The following ROCK2 variants were observed in gnomAD, a reference collection of about 807,000 sequenced individuals.
ROCK2 encodes the protein rho-associated protein kinase 2.
In ROCK2, 61 loss-of-function variants were observed where a neutral mutation model predicts 195.1. The observed-to-expected ratio is 0.31, with a 90% CI of 0.25 to 0.39. ROCK2 has a LOEUF of 0.39. Among genes scored for constraint, ROCK2 ranks in the 10% least tolerant of loss-of-function variants. ROCK2 has a pLI of 1.00. For synonymous variants in ROCK2, 504 were observed against 545.5 expected (o/e 0.92, Z 1.06); for missense variants, 1,109 against 1,637.4 (o/e 0.68, Z 5.57).
At chr2:11,259,402 A>G (rs1666144815) in intron 3 of ROCK2, among the ~76,000 whole-genome samples, 2 of 151,370 alleles carry the variant, frequency 1.3e-5, no homozygotes, top group Non-Finnish European at 2.9e-5. Context: ...TAAAACATTC[A>G]TAAGCACTCT....
At chr2:11,200,564 C>T (rs762216622) in intron 23 of ROCK2, among the ~76,000 whole-genome samples, 5 of 152,048 alleles carry the variant, frequency 3.3e-5, no homozygotes, top group African/African-American at 4.8e-5. Flanking sequence ...TTTTAATTAC[C>T]GCAGCATTTC....
chr2:11,334,830 T>C (rs1668875219), intron 1 of ROCK2, among the ~76,000 whole-genome samples: 1 of 150,732 alleles, frequency 6.6e-6, no homozygotes, highest in Non-Finnish European at 1.5e-5. Flanking sequence ...TCCAAGTCTA[T>C]AATCCCTTGA....
intron 1 of ROCK2, among the ~76,000 whole-genome samples, chr2:11,312,473 G>A (rs562454696): frequency 5.9e-5 from 9 of 151,804 alleles, no homozygotes; most frequent in South Asian, 2.1e-4. Context: ...TCCAAGCAAC[G>A]AATGATTTGT....
chr2:11,331,551 G>A, intron 1 of ROCK2, among the ~76,000 whole-genome samples: 1 of 149,822 alleles, frequency 6.7e-6, no homozygotes, highest in East Asian at 2.0e-4. Flanking sequence ...ACAATCAAAA[G>A]ATGGAAGATG....
intron 4 of ROCK2, among the ~76,000 whole-genome samples, chr2:11,240,742 C>T (rs924089147): frequency 3.3e-5 from 5 of 152,186 alleles, no homozygotes; most frequent in Admixed American, 2.0e-4. Context: ...ATACACTTCA[C>T]GCAGGTGAAT....
chr2:11,249,623 A>C lies in ROCK2; in HGVS notation c.462+38T>G, dbSNP rs1665756181. 3.6e-6 allele frequency: 5 copies of C among 1,405,782 alleles called. No individual in the cohort carries two copies. The Admixed American group carries it at 1.4e-4, about 39-fold the overall frequency. 87.1% of individuals were successfully genotyped at this position (1,405,782 alleles called of 1,614,324 possible). On this transcript the variant is annotated intron_variant, in intron 4 of 32. Transcript: ENST00000315872. The stretch of plus-strand genomic sequence containing the variant: ...ACTCATGAATAATAAAGCACTCATA[A>C]AAAAAGGAAATAAACTTATAAAAGT...
At chr2:11,339,323 T>C (rs1669031201) in intron 1 of ROCK2, among the ~76,000 whole-genome samples, 1 of 152,156 alleles carries the variant, frequency 6.6e-6, no homozygotes, top group African/African-American at 2.4e-5. Flanking sequence ...ATATGGATGT[T>C]CACTGTCGAT....
At chr2:11,270,092 A>C (rs1335357629) in intron 3 of ROCK2, among the ~76,000 whole-genome samples, 1 of 151,116 alleles carries the variant, frequency 6.6e-6, no homozygotes, top group African/African-American at 2.4e-5. Flanking sequence ...TAAAGTGCAG[A>C]ATTCTAGATT....
At chr2:11,298,027 C>A (rs1286994376) in intron 1 of ROCK2, among the ~76,000 whole-genome samples, 1 of 152,082 alleles carries the variant, frequency 6.6e-6, no homozygotes. Context: ...TGTTTCTTGA[C>A]CTAGCTGCTG....
At chr2:11,231,917 T>C (rs897474905) in intron 5 of ROCK2, among the ~76,000 whole-genome samples, 2 of 152,220 alleles carry the variant, frequency 1.3e-5, no homozygotes, top group African/African-American at 4.8e-5. Context: ...TATATGTCTA[T>C]ATTATAGATA....
intron 1 of ROCK2, among the ~76,000 whole-genome samples, chr2:11,304,419 C>T (rs138841076): frequency 9.9e-5 from 15 of 152,284 alleles, no homozygotes; most frequent in Admixed American, 9.8e-4. Flanking sequence ...AATCCTAACA[C>T]TTACAAATCT....
At chr2:11,243,815 A>C (rs1175038610) in intron 4 of ROCK2, among the ~76,000 whole-genome samples, 1 of 152,224 alleles carries the variant, frequency 6.6e-6, no homozygotes, top group African/African-American at 2.4e-5. Flanking sequence ...AATTTTAAAA[A>C]TCTAAATAAA....
At chr2:11,190,319 A>T (rs1448698938) in intron 32 of ROCK2, among the ~76,000 whole-genome samples, 2 of 151,382 alleles carry the variant, frequency 1.3e-5, no homozygotes, top group African/African-American at 2.4e-5. Context: ...TGTGTTTTTT[A>T]AAAAAATCAA....
chr2:11,205,312 T>C (rs1303644281), intron 20 of ROCK2, among the ~76,000 whole-genome samples: 13 of 152,176 alleles, frequency 8.5e-5, no homozygotes. Context: ...ATACTTCTTT[T>C]CCATCTATAT....
intron 4 of ROCK2, among the ~76,000 whole-genome samples, chr2:11,238,507 G>T (rs1355309342): frequency 6.6e-6 from 1 of 152,054 alleles, no homozygotes; most frequent in Non-Finnish European, 1.5e-5. Context: ...CAAAGCAGGA[G>T]GACTTACATT....
chr2:11,317,068 T>C (rs1572399737), intron 1 of ROCK2, among the ~76,000 whole-genome samples: 1 of 152,116 alleles, frequency 6.6e-6, no homozygotes, highest in Non-Finnish European at 1.5e-5. Flanking sequence ...GGTTAAATTA[T>C]CATGAGTCCA....
At chr2:11,341,812 A>G (rs1331674865) in intron 1 of ROCK2, among the ~76,000 whole-genome samples, 3 of 152,170 alleles carry the variant, frequency 2.0e-5, no homozygotes, top group African/African-American at 7.2e-5. Context: ...ACCAGCCATT[A>G]TTTCGTCAGT....
intron 9 of ROCK2, among the ~76,000 whole-genome samples, chr2:11,219,475 C>T (rs1181354592): frequency 2.0e-5 from 3 of 152,154 alleles, no homozygotes; most frequent in East Asian, 1.9e-4. Context: ...CGCACCACTG[C>T]ACTCTAGCCT....
intron 6 of ROCK2, among the ~76,000 whole-genome samples, chr2:11,224,979 A>G (rs1335995690): frequency 6.6e-6 from 1 of 152,204 alleles, no homozygotes; most frequent in Non-Finnish European, 1.5e-5. Context: ...GTTGTAACCA[A>G]TGGTCACCAC....
Sources: gnomAD v4.1 joint callset for allele counts (sites outside exome capture counted in the v4.1 genomes callset) on GRCh38, gnomAD v4.1.1 for gene constraint, MANE v1.5 for transcripts, NCBI Gene and HGNC (gene_info 2026-07-23, HGNC 2026-07-21) for gene names.